Variants in KIAA1328 observed in about 807,000 individuals in gnomAD.
KIAA1328 encodes KIAA1328.
In KIAA1328, 52 loss-of-function variants were observed where a neutral mutation model predicts 68.1. The ratio of observed to expected loss-of-function variants is 0.76; its 90% CI spans 0.61 to 0.96. KIAA1328 has a LOEUF of 0.96. KIAA1328 is among the 40% of genes least tolerant of loss of function. KIAA1328 has a pLI of 0.00. For synonymous variants in KIAA1328, 232 were observed against 239.4 expected (o/e 0.97, Z 0.28); for missense variants, 641 against 677.6 (o/e 0.95, Z 0.60).
intron 6 of KIAA1328, among the ~76,000 whole-genome samples, chr18:36,969,112 C>T (rs879274953): frequency 6.6e-6 from 1 of 151,978 alleles, no homozygotes; most frequent in Non-Finnish European, 1.5e-5. Flanking sequence ...TACAATATAC[C>T]AGAATCTCTG....
intron 7 of KIAA1328, among the ~76,000 whole-genome samples, chr18:37,090,035 A>C (rs1046994437): frequency 2.6e-5 from 4 of 152,184 alleles, no homozygotes; most frequent in Admixed American, 6.5e-5. Context: ...TTCATTCTTT[A>C]GCATTTATGC....
At chr18:37,074,439 G>A (rs912762107) in intron 7 of KIAA1328, among the ~76,000 whole-genome samples, 23 of 152,150 alleles carry the variant, frequency 1.5e-4, no homozygotes, top group Admixed American at 9.2e-4. Flanking sequence ...CCAATCAGAC[G>A]TAGATTTGGT....
intron 6 of KIAA1328, among the ~76,000 whole-genome samples, chr18:37,026,522 A>G (rs902415777): frequency 1.3e-5 from 2 of 152,214 alleles, no homozygotes; most frequent in Admixed American, 1.3e-4. Flanking sequence ...AAGCTTATCC[A>G]CCATGACCAA....
rs2060623312 is a variant in KIAA1328, at chr18:37,225,091, C to G, written c.*2864C>G. 1 of 985,340 alleles carries G rather than the reference C, an allele frequency of 1.0e-6. No individual in the cohort carries two copies. The highest frequency in any genetic ancestry group is 1.2e-6 in the Non-Finnish European group (1 of 829,964). The allele number at this position is 985,340 out of a possible 1,614,324, so 61.0% of individuals were successfully genotyped here. ...CTCTTTCTGCTCCCTCAGAGCTACT[C>G]TTCACTTGTCCCTGCTTCCGGCACC... On this transcript the variant is annotated 3_prime_UTR_variant, in exon 10 of 10. Transcript: ENST00000280020.
At chr18:36,907,610 G>A (rs2049271232) in intron 5 of KIAA1328, among the ~76,000 whole-genome samples, 1 of 152,080 alleles carries the variant, frequency 6.6e-6, no homozygotes, top group Non-Finnish European at 1.5e-5. Context: ...CTGGGCTGAA[G>A]CCCACTTGAT....
chr18:36,919,101 A>G (rs1280722357), intron 5 of KIAA1328, among the ~76,000 whole-genome samples: 2 of 152,178 alleles, frequency 1.3e-5, no homozygotes, highest in African/African-American at 4.8e-5. Flanking sequence ...TGTCATTTGA[A>G]ACAATGTTAC....
intron 6 of KIAA1328, among the ~76,000 whole-genome samples, chr18:36,976,866 T>C (rs2151349741): frequency 6.6e-6 from 1 of 152,292 alleles, no homozygotes; most frequent in Non-Finnish European, 1.5e-5. Flanking sequence ...ATTTATTATT[T>C]GACTTGTGTT....
intron 7 of KIAA1328, among the ~76,000 whole-genome samples, chr18:37,108,182 C>T (rs945284214): frequency 2.0e-5 from 3 of 152,136 alleles, no homozygotes; most frequent in Non-Finnish European, 2.9e-5. Flanking sequence ...CCTGGAAATA[C>T]TATGCATAAA....
intron 6 of KIAA1328, among the ~76,000 whole-genome samples, chr18:36,962,474 A>G (rs138979118): frequency 0.028 from 4,194 of 152,268 alleles, 202 homozygotes; most frequent in African/African-American, 0.096. Flanking sequence ...GGCGGACCTA[A>G]TAGACATCTA....
chr18:37,034,304 G>A (rs2054946386), intron 6 of KIAA1328, among the ~76,000 whole-genome samples: 1 of 152,122 alleles, frequency 6.6e-6, no homozygotes, highest in Non-Finnish European at 1.5e-5. Flanking sequence ...GGAAAATTTA[G>A]GGAAAGAGAA....
intron 8 of KIAA1328, among the ~76,000 whole-genome samples, chr18:37,163,456 A>C (rs1235374336): frequency 2.6e-5 from 4 of 152,134 alleles, no homozygotes; most frequent in Non-Finnish European, 5.9e-5. Context: ...CTGATGGTAG[A>C]GATTGTGCCC....
At chr18:36,975,648 CT>C (rs1204738493) in intron 6 of KIAA1328, among the ~76,000 whole-genome samples, 1 of 152,158 alleles carries the variant, frequency 6.6e-6, no homozygotes, top group African/African-American at 2.4e-5. Flanking sequence ...GTTAAGTCTT[CT>C]CATAAGTTAA....
chr18:37,052,765 G>T (rs914984677), intron 6 of KIAA1328, among the ~76,000 whole-genome samples: 1 of 152,000 alleles, frequency 6.6e-6, no homozygotes, highest in African/African-American at 2.4e-5. Flanking sequence ...ACACAAAAAT[G>T]AAATACCTAG....
rs772540524 is a variant in KIAA1328, at chr18:37,120,739, G to C, written c.1233-39461G>C. On this transcript the variant is annotated intron_variant, in intron 7 of 9. Coordinates refer to ENST00000280020, the MANE Select transcript of KIAA1328 (RefSeq NM_020776.3). ...TTTCTATTACTACAGAAATTTTGCT[G>C]TATTGGTCTTTGAATCATAAGTGGT... Among the ~76,000 whole-genome samples the C allele has an allele frequency of 3.4e-4, 52 of 152,100 alleles. 1 individual carries two copies. Among genetic ancestry groups the C allele is most frequent in the Non-Finnish European group, 3.7e-4 (25 of 67,994 alleles).
At chr18:37,142,475 C>A (rs2058788851) in intron 7 of KIAA1328, among the ~76,000 whole-genome samples, 1 of 152,104 alleles carries the variant, frequency 6.6e-6, no homozygotes, top group Non-Finnish European at 1.5e-5. Context: ...GGATTACAGG[C>A]GTGAGCTACC....
intron 5 of KIAA1328, among the ~76,000 whole-genome samples, chr18:36,938,686 T>C (rs563767489): frequency 6.6e-6 from 1 of 152,296 alleles, no homozygotes; most frequent in South Asian, 2.1e-4. Flanking sequence ...ATTTCCTCTA[T>C]GTTTTCTTCT....
At chr18:37,105,206 G>A (rs1183832054) in intron 7 of KIAA1328, among the ~76,000 whole-genome samples, 1 of 152,138 alleles carries the variant, frequency 6.6e-6, no homozygotes, top group Non-Finnish European at 1.5e-5. Flanking sequence ...GAGACATTCA[G>A]TAAGAGTACG....
chr18:37,168,483 G>A (rs2059433887), intron 8 of KIAA1328, among the ~76,000 whole-genome samples: 1 of 152,014 alleles, frequency 6.6e-6, no homozygotes, highest in Non-Finnish European at 1.5e-5. Context: ...ATAGCAGAAG[G>A]GATAAAAAGT....
chr18:37,191,688 C>G (rs926622791), intron 9 of KIAA1328, among the ~76,000 whole-genome samples: 2 of 152,192 alleles, frequency 1.3e-5, no homozygotes, highest in East Asian at 3.8e-4. Flanking sequence ...GTTCCCCCAT[C>G]TCTAATTTTC....
Sources: allele counts gnomAD v4.1 joint callset (sites outside exome capture counted in the v4.1 genomes callset), GRCh38; gene constraint gnomAD v4.1.1; transcripts MANE v1.5; gene names NCBI Gene and HGNC (gene_info 2026-07-23, HGNC 2026-07-21).